KIAA1958: variants seen among roughly 807,000 people sequenced by gnomAD.
KIAA1958 encodes the protein KIAA1958.
In KIAA1958, 14 loss-of-function variants were observed where a neutral mutation model predicts 47.2. The observed-to-expected ratio is 0.30, with a 90% CI of 0.20 to 0.46. The LOEUF is 0.46. Among genes scored for constraint, KIAA1958 ranks in the 20% least tolerant of loss-of-function variants. The pLI is 1.00. For synonymous variants in KIAA1958, 354 were observed against 353.3 expected (o/e 1.00, Z -0.02); for missense variants, 803 against 909.2 (o/e 0.88, Z 1.50).
chr9:112,515,894 T>TTAAAA (rs1212561170), intron 1 of KIAA1958, among the ~76,000 whole-genome samples: 46 of 97,126 alleles, frequency 4.7e-4, no homozygotes, highest in African/African-American at 1.8e-3. Context: ...AAAAATAAAT[T>TTAAAA]AAAAAAAAAA....
intron 2 of KIAA1958, among the ~76,000 whole-genome samples, chr9:112,605,756 T>G (rs1564188490): frequency 6.6e-6 from 1 of 152,204 alleles, no homozygotes; most frequent in Non-Finnish European, 1.5e-5. Flanking sequence ...ACTTCTCATA[T>G]GCTGTTCCCT....
At chr9:112,488,724 A>AT (rs1187901508) in intron 1 of KIAA1958, among the ~76,000 whole-genome samples, 3 of 152,236 alleles carry the variant, frequency 2.0e-5, no homozygotes, top group Non-Finnish European at 4.4e-5. Flanking sequence ...ATGTATTTAA[A>AT]TTTTCATTAA....
chr9:112,549,724 A>G (rs1212690805), intron 1 of KIAA1958, among the ~76,000 whole-genome samples: 1 of 152,202 alleles, frequency 6.6e-6, no homozygotes, highest in East Asian at 1.9e-4. Context: ...AGTCTAAGTC[A>G]GTGGTTCTCA....
chr9:112,572,660 G>A (rs1259979586), intron 1 of KIAA1958, among the ~76,000 whole-genome samples: 1 of 152,192 alleles, frequency 6.6e-6, no homozygotes, highest in Non-Finnish European at 1.5e-5. Context: ...CTGGCCAGGT[G>A]AGGAAAGAGA....
At chr9:112,566,740 TATG>T (rs1564174650) in intron 1 of KIAA1958, among the ~76,000 whole-genome samples, 1 of 152,220 alleles carries the variant, frequency 6.6e-6, no homozygotes, top group Non-Finnish European at 1.5e-5. Context: ...ATGTTATTTT[TATG>T]ATGTCAAATC....
At chr9:112,588,997 TTTAAA>T (rs1339359620) in intron 2 of KIAA1958, among the ~76,000 whole-genome samples, 2 of 151,228 alleles carry the variant, frequency 1.3e-5, no homozygotes, top group African/African-American at 4.9e-5. Context: ...CCAGGCTGGT[TTTAAA>T]CTCTTAGGTT....
chr9:112,487,608 G>C (rs182918276), intron 1 of KIAA1958, among the ~76,000 whole-genome samples: 2 of 152,262 alleles, frequency 1.3e-5, no homozygotes, highest in African/African-American at 4.8e-5. Flanking sequence ...TCCTCCTCGG[G>C]TGGCTCGCCG....
intron 2 of KIAA1958, among the ~76,000 whole-genome samples, chr9:112,605,761 T>C (rs1836222739): frequency 6.6e-6 from 1 of 152,228 alleles, no homozygotes; most frequent in African/African-American, 2.4e-5. Context: ...TCATATGCTG[T>C]TCCCTCTACT....
At chr9:112,605,870 G>A (rs1255916936) in intron 2 of KIAA1958, among the ~76,000 whole-genome samples, 1 of 152,180 alleles carries the variant, frequency 6.6e-6, no homozygotes, top group Non-Finnish European at 1.5e-5. Context: ...ATCCTTAAAT[G>A]TGTCACTTAT....
chr9:112,534,664 C>G (rs766268314), intron 1 of KIAA1958, among the ~76,000 whole-genome samples: 3 of 152,036 alleles, frequency 2.0e-5, no homozygotes, highest in Admixed American at 6.6e-5. Context: ...CTGCCTCACC[C>G]TCTTGAGTAA....
At chr9:112,509,292 C>T (rs1463247636) in intron 1 of KIAA1958, among the ~76,000 whole-genome samples, 1 of 151,764 alleles carries the variant, frequency 6.6e-6, no homozygotes, top group Non-Finnish European at 1.5e-5. Context: ...GCATCCTCCC[C>T]CAGGTTCAAG....
In KIAA1958 at chr9:112,624,599, G is replaced by A. The variant is rs531227628; in HGVS notation, c.1172-21051G>A. On this transcript the variant is annotated intron_variant, in intron 2 of 3. Transcript: ENST00000337530. The stretch of plus-strand genomic sequence containing the variant: ...TAATTTTACTTTTCTAAACAGAAAA[G>A]GAAGACATTTAAAATTCCTCATGGT... Among the ~76,000 whole-genome samples, 16 of 152,268 alleles carry A rather than the reference G, an allele frequency of 1.1e-4. 2 individuals are homozygous for A. Among genetic ancestry groups the A allele is most frequent in the African/African-American group, 3.9e-4 (16 of 41,554 alleles).
chr9:112,654,878 T>C (rs1194769440), intron 3 of KIAA1958, among the ~76,000 whole-genome samples: 1 of 152,206 alleles, frequency 6.6e-6, no homozygotes, highest in Non-Finnish European at 1.5e-5. Context: ...AACCAGGTTA[T>C]CAGAAAGCAA....
chr9:112,646,023 A>G (rs1836969275), intron 3 of KIAA1958, among the ~76,000 whole-genome samples: 1 of 152,246 alleles, frequency 6.6e-6, no homozygotes, highest in South Asian at 2.1e-4. Flanking sequence ...AAATGCCTGA[A>G]AAGTTCAGAG....
At chr9:112,545,818 T>C (rs1041088063) in intron 1 of KIAA1958, among the ~76,000 whole-genome samples, 5 of 82,068 alleles carry the variant, frequency 6.1e-5, no homozygotes, top group African/African-American at 2.1e-4. Context: ...GATACACAGG[T>C]TTCTTTGTTT....
chr9:112,558,164 A>C (rs1039510661), intron 1 of KIAA1958, among the ~76,000 whole-genome samples: 2 of 152,054 alleles, frequency 1.3e-5, no homozygotes, highest in Non-Finnish European at 2.9e-5. Flanking sequence ...GGCGGAAATT[A>C]CAGTGAACCG....
rs1837315882 is a variant in KIAA1958 at position 112,663,797 on chromosome 9, T to C, written c.*3728T>C. 1 of 152,256 alleles carries C rather than the reference T, an allele frequency of 6.6e-6. No homozygotes were observed. The highest frequency in any genetic ancestry group is 2.4e-5 in the African/African-American group (1 of 41,474). The allele number at this position is 152,256 out of a possible 1,614,324, so 9.4% of individuals were successfully genotyped here. On this transcript the variant is annotated 3_prime_UTR_variant, in exon 4 of 4. Coordinates refer to ENST00000337530, the MANE Select transcript of KIAA1958 (RefSeq NM_133465.4). ...TTAATTTGCCCTGGCTGATAAATGGTGTTTGAAGAAATGTGAAATTTTGTT... is the reference window on the plus strand; with the variant it reads ...TTAATTTGCCCTGGCTGATAAATGGCGTTTGAAGAAATGTGAAATTTTGTT...
chr9:112,518,382 A>G lies in KIAA1958; in HGVS notation c.-25+31264A>G, dbSNP rs150822558. ...ACATACAAGGGCATATCTCTCAGCA[A>G]TAAAAAGAATGAACTATTGATACAC... On this transcript the variant is annotated intron_variant, in intron 1 of 3. Coordinates refer to ENST00000337530, the MANE Select transcript of KIAA1958 (RefSeq NM_133465.4). Among the ~76,000 whole-genome samples, 251 of 152,370 alleles carry G rather than the reference A, an allele frequency of 1.6e-3. 2 individuals carry two copies. The highest frequency in any genetic ancestry group is 5.8e-3 in the African/African-American group (240 of 41,592).
intron 1 of KIAA1958, among the ~76,000 whole-genome samples, chr9:112,510,629 A>G (rs1834311366): frequency 6.6e-6 from 1 of 152,116 alleles, no homozygotes; most frequent in Non-Finnish European, 1.5e-5. Context: ...TTTAATTCCA[A>G]AGAATTCTGC....
Sources: allele counts gnomAD v4.1 joint callset (sites outside exome capture counted in the v4.1 genomes callset), GRCh38; gene constraint gnomAD v4.1.1; transcripts MANE v1.5; gene names NCBI Gene and HGNC (gene_info 2026-07-23, HGNC 2026-07-21).